Variants in PAPPA observed in about 807,000 individuals in gnomAD.
The protein encoded by PAPPA is pappalysin 1.
A neutral mutation model predicts 164.0 loss-of-function variants in PAPPA; 60 were observed. That is an observed-to-expected ratio of 0.37 (90% CI 0.30 to 0.45). The LOEUF (loss-of-function observed/expected upper bound fraction) is 0.45, where lower values mean the gene tolerates loss of function less well. Among genes scored for constraint, PAPPA ranks in the 20% least tolerant of loss-of-function variants. The pLI, the probability that PAPPA is intolerant of heterozygous loss-of-function variation, is 1.00. For missense variants in PAPPA, 1,782 were observed against 2,087.3 expected (o/e 0.85, Z 2.85); for synonymous variants, 875 against 814.1 (o/e 1.07, Z -1.27).
At chr9:116,314,680 T>C (rs1845766289) in intron 10 of PAPPA, among the ~76,000 whole-genome samples, 1 of 152,194 alleles carries the variant, frequency 6.6e-6, no homozygotes, top group Non-Finnish European at 1.5e-5. Context: ...ATGGACCAAC[T>C]TGCAATTTCC....
rs1422000097 is a variant in PAPPA, at chr9:116,207,564, A to C, written c.1587A>C (p.Ala529=). 6.2e-7 allele frequency: 1 copy of C among 1,613,628 alleles called. No homozygotes were observed. Among genetic ancestry groups the C allele is most frequent in the Non-Finnish European group, 8.5e-7 (1 of 1,179,714 alleles). ...CAGAGGAGGAGTTGGCAGGAGTAGC[A>C]ACTTGGCCATGGGACAAGGAGGCCC... ...KSSEEELAGV[A]TWPWDKEALM... The change falls in exon 3 of 22, where the codon GCA becomes GCC. Residue 529 remains alanine, a synonymous_variant. Transcript: ENST00000328252.
intron 4 of PAPPA, among the ~76,000 whole-genome samples, chr9:116,215,595 G>A (rs975295671): frequency 6.6e-6 from 1 of 152,172 alleles, no homozygotes; most frequent in South Asian, 2.1e-4. Flanking sequence ...CTATTGAAGT[G>A]TGGAGAGTGG....
At position 116,311,455 on chromosome 9, in the gene PAPPA, G is replaced by A. The variant is rs146256911; in HGVS notation, c.3147+8505G>A. 3.8e-4 allele frequency among the ~76,000 whole-genome samples: 58 copies of A among 152,302 alleles called. No individual in the cohort carries two copies. The East Asian group carries it at 7.0e-3, about 18-fold the overall frequency. On this transcript the variant is annotated intron_variant, in intron 10 of 21. Coordinates refer to ENST00000328252, the MANE Select transcript of PAPPA (RefSeq NM_002581.5). ...AGGTTAACCTTTGAGGAGGAAGGGCGAACCTGAATAAAGTGACAGGTTATG... is the reference window on the plus strand; with the variant it reads ...AGGTTAACCTTTGAGGAGGAAGGGCAAACCTGAATAAAGTGACAGGTTATG...
At position 116,321,132 on chromosome 9, in the gene PAPPA, A is replaced by G. The variant is rs535992916; in HGVS notation, c.3148-10112A>G. On this transcript the variant is annotated intron_variant, in intron 10 of 21. Coordinates refer to ENST00000328252, the MANE Select transcript of PAPPA (RefSeq NM_002581.5). Reference sequence around the variant, plus strand: ...AGGCTCCACCTCCTGGATTCACTCCATTTTCCTGCCTCAGCCTCCCGAGTA... The same window carrying G: ...AGGCTCCACCTCCTGGATTCACTCCGTTTTCCTGCCTCAGCCTCCCGAGTA... Among the ~76,000 whole-genome samples, 4 of 150,220 alleles carry G rather than the reference A, an allele frequency of 2.7e-5. No homozygotes were observed. In the East Asian group the frequency reaches 7.9e-4, roughly 30 times the overall value.
chr9:116,290,333 C>T (rs970950915), intron 9 of PAPPA, among the ~76,000 whole-genome samples: 10 of 150,662 alleles, frequency 6.6e-5, no homozygotes, highest in African/African-American at 1.5e-4. Context: ...ACACGCTTCT[C>T]GATCTTCATT....
chr9:116,208,037 A>G (rs1844258299), intron 3 of PAPPA, among the ~76,000 whole-genome samples: 1 of 152,236 alleles, frequency 6.6e-6, no homozygotes, highest in African/African-American at 2.4e-5. Context: ...GGCTTAAAAG[A>G]CACCAAAGAG....
At chr9:116,181,814 C>A (rs146144577) in intron 1 of PAPPA, among the ~76,000 whole-genome samples, 1 of 152,206 alleles carries the variant, frequency 6.6e-6, no homozygotes, top group African/African-American at 2.4e-5. Context: ...TGGGTTCTAG[C>A]GAAGTGGGCT....
chr9:116,375,038 A>T (rs1007159520), intron 19 of PAPPA, among the ~76,000 whole-genome samples: 1 of 152,248 alleles, frequency 6.6e-6, no homozygotes, highest in Non-Finnish European at 1.5e-5. Context: ...ATCTGCCCTC[A>T]AGAAACTTAA....
chr9:116,257,525 C>A (rs1844942851), intron 7 of PAPPA, among the ~76,000 whole-genome samples: 1 of 151,888 alleles, frequency 6.6e-6, no homozygotes, highest in Non-Finnish European at 1.5e-5. Context: ...GACGGTGAAA[C>A]CCCGTCTCTA....
At chr9:116,274,457 A>G (rs1845173740) in intron 9 of PAPPA, among the ~76,000 whole-genome samples, 1 of 152,224 alleles carries the variant, frequency 6.6e-6, no homozygotes, top group African/African-American at 2.4e-5. Flanking sequence ...CTCCCAGCAG[A>G]CCAATCTTTA....
chr9:116,358,174 G>A (rs1846377825), intron 17 of PAPPA, among the ~76,000 whole-genome samples: 1 of 152,140 alleles, frequency 6.6e-6, no homozygotes, highest in South Asian at 2.1e-4. Flanking sequence ...ACTGTAGCTT[G>A]CTTGTTTTAC....
Position 116,330,864 on chromosome 9 carries a change from C to G in PAPPA, c.3148-380C>G, listed in dbSNP as rs558687430. On this transcript the variant is annotated intron_variant, in intron 10 of 21. Coordinates refer to ENST00000328252, the MANE Select transcript of PAPPA (RefSeq NM_002581.5). Reference sequence around the variant, plus strand: ...TTGATCACAACTTAAGGCGTTTGATCAAACCTAAGCATTCTGGGTTTCTGC... The same window carrying G: ...TTGATCACAACTTAAGGCGTTTGATGAAACCTAAGCATTCTGGGTTTCTGC... 5.3e-5 allele frequency among the ~76,000 whole-genome samples: 8 copies of G among 152,226 alleles called. No homozygotes were observed. In the East Asian group the frequency reaches 1.5e-3, roughly 29 times the overall value.
At chr9:116,308,607 T>C in intron 10 of PAPPA, among the ~76,000 whole-genome samples, 1 of 152,222 alleles carries the variant, frequency 6.6e-6, no homozygotes, top group East Asian at 1.9e-4. Flanking sequence ...ACCAGGCAGC[T>C]CAAGCCTGCT....
At chr9:116,175,757 G>A (rs1242572093) in intron 1 of PAPPA, among the ~76,000 whole-genome samples, 3 of 152,116 alleles carry the variant, frequency 2.0e-5, no homozygotes, top group African/African-American at 7.3e-5. Context: ...GACATGTACT[G>A]TCTGTTCTTA....
At chr9:116,273,004 T>C (rs1845155218) in intron 9 of PAPPA, among the ~76,000 whole-genome samples, 1 of 152,142 alleles carries the variant, frequency 6.6e-6, no homozygotes, top group South Asian at 2.1e-4. Flanking sequence ...TCCTTCTAAT[T>C]GTGAACTCTA....
chr9:116,260,859 G>A (rs1211267882), intron 7 of PAPPA, among the ~76,000 whole-genome samples: 1 of 152,190 alleles, frequency 6.6e-6, no homozygotes, highest in African/African-American at 2.4e-5. Context: ...AGATTTGGAA[G>A]TCATGAAACA....
At chr9:116,277,987 G>A (rs1341630509) in intron 9 of PAPPA, among the ~76,000 whole-genome samples, 1 of 152,208 alleles carries the variant, frequency 6.6e-6, no homozygotes. Flanking sequence ...TAATTCAGAA[G>A]TTATATCCAT....
chr9:116,208,183 G>A (rs371173937), intron 3 of PAPPA, among the ~76,000 whole-genome samples: 11 of 152,290 alleles, frequency 7.2e-5, no homozygotes, highest in African/African-American at 2.6e-4. Flanking sequence ...ATCACCAAAA[G>A]TTAGACATGA....
intron 1 of PAPPA, among the ~76,000 whole-genome samples, chr9:116,185,439 C>A (rs1387041458): frequency 6.6e-6 from 1 of 152,102 alleles, no homozygotes. Context: ...CTGTGTGGGC[C>A]TCCTCTATTG....
Sources: allele counts gnomAD v4.1 joint callset (sites outside exome capture counted in the v4.1 genomes callset), GRCh38; gene constraint gnomAD v4.1.1; transcripts MANE v1.5; gene names NCBI Gene and HGNC (gene_info 2026-07-23, HGNC 2026-07-21).